The following PECR variants were observed in gnomAD, a reference collection of about 807,000 sequenced individuals.
The protein encoded by PECR is peroxisomal trans-2-enoyl-CoA reductase.
In PECR, 30 loss-of-function variants were observed where a neutral mutation model predicts 35.3. That is an observed-to-expected ratio of 0.85 (90% CI 0.64 to 1.15). The LOEUF (loss-of-function observed/expected upper bound fraction) is 1.15. PECR is among the 50% of genes most tolerant of loss of function. PECR has a pLI of 0.00. For synonymous variants in PECR, 148 were observed against 138.9 expected, an observed-to-expected ratio of 1.07 and a Z score of -0.46; for missense variants, 392 against 370.8, an observed-to-expected ratio of 1.06 and a Z score of -0.47.
downstream of PECR, among the ~76,000 whole-genome samples, chr2:216,038,038 T>C (rs1457821464): frequency 6.6e-6 from 1 of 152,040 alleles, no homozygotes; most frequent in African/African-American, 2.4e-5. Flanking sequence ...TGAGCCGAGA[T>C]TATGCTACTG....
In PECR at chr2:216,065,384, G is replaced by A. The variant is rs778178490; in HGVS notation, c.352C>T (p.His118Tyr). 5.6e-6 allele frequency: 9 copies of A among 1,607,316 alleles called. No homozygotes were observed. Among genetic ancestry groups the A allele is most frequent in the Non-Finnish European group, 6.0e-6 (7 of 1,173,714 alleles). The change falls in exon 3 of 8, where the codon CAC (histidine) becomes TAC (tyrosine). Residue 118 changes from histidine to tyrosine, a missense_variant. Coordinates refer to ENST00000265322, the MANE Select transcript of PECR (RefSeq NM_018441.6). ...GGGQFLSPAE[H>Y]ISSKGWHAVL... Reference sequence around the variant, plus strand: ...GCGTGCCATCCCTTAGAACTGATGTGTTCAGCAGGGGAAAGAAACTGGCCT... The same window carrying A: ...GCGTGCCATCCCTTAGAACTGATGTATTCAGCAGGGGAAAGAAACTGGCCT...
intron 1 of PECR, among the ~76,000 whole-genome samples, chr2:216,080,257 G>A (rs181394426): frequency 6.6e-6 from 1 of 151,944 alleles, no homozygotes; most frequent in African/African-American, 2.4e-5. Flanking sequence ...TGTATTTTTA[G>A]TAGAAATGGA....
intron 1 of PECR, among the ~76,000 whole-genome samples, chr2:216,068,227 A>C (rs1301468385): frequency 1.1e-4 from 3 of 27,728 alleles, no homozygotes; most frequent in African/African-American, 3.3e-4. Context: ...CTCCATATCA[A>C]AAAAAAAAAA....
chr2:216,033,235 T>C (rs866459709), intron 7 of PECR, among the ~76,000 whole-genome samples: 4 of 152,156 alleles, frequency 2.6e-5, no homozygotes, highest in Non-Finnish European at 4.4e-5. Context: ...CTTCCTCCAT[T>C]TTTTTAAGTT....
chr2:216,052,195 T>C (rs1025537619), intron 4 of PECR, among the ~76,000 whole-genome samples: 8 of 152,094 alleles, frequency 5.3e-5, no homozygotes, highest in Admixed American at 2.0e-4. Flanking sequence ...CAAAAATAAA[T>C]GAAGTATGGG....
At chr2:216,074,557 GAAGA>G (rs1389177124) in intron 1 of PECR, among the ~76,000 whole-genome samples, 3 of 148,080 alleles carry the variant, frequency 2.0e-5, no homozygotes, top group Non-Finnish European at 3.0e-5. Context: ...AGGAAGGAAG[GAAGA>G]GAGAGAGAGA....
intron 7 of PECR, among the ~76,000 whole-genome samples, chr2:216,042,284 G>T (rs1033248612): frequency 6.6e-6 from 1 of 152,206 alleles, no homozygotes; most frequent in East Asian, 1.9e-4. Flanking sequence ...GAAGTCTTCC[G>T]TGCTAATGGT....
intron 2 of PECR, 36 bp downstream of exon 2, chr2:216,066,349 A>G (rs749345708): frequency 1.3e-6 from 2 of 1,581,660 alleles, no homozygotes; most frequent in Admixed American, 1.7e-5. Flanking sequence ...GCAAATTACA[A>G]TGAATGAATA....
intron 4 of PECR, among the ~76,000 whole-genome samples, chr2:216,054,075 A>G (rs1324935081): frequency 6.6e-6 from 1 of 152,066 alleles, no homozygotes; most frequent in East Asian, 1.9e-4. Context: ...ACATGAGGTC[A>G]GGAGTTCGAG....
chr2:216,068,298 A>C (rs1022906972), intron 1 of PECR, among the ~76,000 whole-genome samples: 5 of 151,914 alleles, frequency 3.3e-5, no homozygotes, highest in Admixed American at 3.3e-4. Flanking sequence ...CCAGTGATGA[A>C]GAGAAAAATC....
At chr2:216,049,454 G>A (rs1695061446) in intron 5 of PECR, 81 bp from the exon 6 acceptor site, 2 of 675,640 alleles carry the variant, frequency 3.0e-6, no homozygotes, top group South Asian at 1.8e-5. Context: ...ATACTCTACT[G>A]GCATTTCAAA....
At chr2:216,042,990 T>TACGTATATGTGTATATATATATAC (rs1694917064) in intron 7 of PECR, among the ~76,000 whole-genome samples, 1 of 120,750 alleles carries the variant, frequency 8.3e-6, no homozygotes, top group Non-Finnish European at 1.8e-5. Context: ...TATATATATA[T>TACGTATATGTGTATATATATATAC]ACATACGTAT....
At position 216,046,111 on chromosome 2, in the gene PECR, A is replaced by T. The variant is rs184299897; in HGVS notation, c.715-2096T>A. 2.0e-5 allele frequency among the ~76,000 whole-genome samples: 3 copies of T among 151,328 alleles called. No individual in the cohort carries two copies. In the East Asian group the frequency reaches 5.8e-4, roughly 29 times the overall value. ...GAGAATCGCTTGAACCAAAAAAAAA[A>T]AAAAAAGTTTTTGTTTCTTTTTTTA... On this transcript the variant is annotated intron_variant, in intron 6 of 7. Transcript: ENST00000265322.
At chr2:216,067,419 C>A (rs915702226) in intron 1 of PECR, among the ~76,000 whole-genome samples, 1 of 152,172 alleles carries the variant, frequency 6.6e-6, no homozygotes, top group Admixed American at 6.5e-5. Context: ...TATGCAGAAG[C>A]AGATGGCTTC....
downstream of PECR, among the ~76,000 whole-genome samples, chr2:216,035,510 C>CT (rs1360494030): frequency 2.1e-5 from 3 of 145,354 alleles, no homozygotes; most frequent in Non-Finnish European, 4.5e-5. Context: ...TTTTTCGAGA[C>CT]AGGGTCTTAC....
intron 4 of PECR, among the ~76,000 whole-genome samples, chr2:216,053,204 C>A (rs1009319345): frequency 7.3e-5 from 11 of 151,484 alleles, no homozygotes; most frequent in Non-Finnish European, 1.6e-4. Flanking sequence ...ATGCTTGGAA[C>A]CAGAAGTGCT....
downstream of PECR, among the ~76,000 whole-genome samples, chr2:216,037,895 G>A (rs932949330): frequency 5.3e-5 from 8 of 150,714 alleles, no homozygotes; most frequent in African/African-American, 1.7e-4. Flanking sequence ...GACCAGCCTG[G>A]CCAATATGGT....
In PECR at chr2:216,065,538, G is replaced by T. The variant is rs536810372; in HGVS notation, c.259-61C>A. 100 of 989,950 alleles carry T rather than the reference G, an allele frequency of 1.0e-4. 1 individual carries two copies. In the South Asian group the frequency reaches 1.1e-3, roughly 11 times the overall value. The allele number at this position is 989,950 out of a possible 1,614,324, so 61.3% of individuals were successfully genotyped here. A position where few individuals can be genotyped will look rare whatever the true frequency, so the allele number is the denominator to read the frequency against. ...GTTTAATAGCCTAACTTGCTACCTC[G>T]CCTGATTGATTGCTCTAGACAGAGT... On this transcript the variant is annotated intron_variant, in intron 2 of 7. Coordinates refer to ENST00000265322, the MANE Select transcript of PECR (RefSeq NM_018441.6).
At chr2:216,044,105 C>A (rs981167967) in intron 6 of PECR, 90 bp from the exon 7 acceptor site, 8 of 723,164 alleles carry the variant, frequency 1.1e-5, no homozygotes, top group Non-Finnish European at 2.0e-5. Flanking sequence ...CATCTCAAAG[C>A]CCATGATTGT....
Sources: gnomAD v4.1 joint callset for allele counts (sites outside exome capture counted in the v4.1 genomes callset) on GRCh38, gnomAD v4.1.1 for gene constraint, MANE v1.5 for transcripts, NCBI Gene and HGNC (gene_info 2026-07-23, HGNC 2026-07-21) for gene names.